Variants in TMTC3 observed in about 807,000 individuals in gnomAD.
TMTC3 encodes protein O-mannosyl-transferase TMTC3.
Under a neutral mutation model 92.2 loss-of-function variants are expected in TMTC3, and 52 were observed. That is an observed-to-expected ratio of 0.56 (90% CI 0.45 to 0.71). The LOEUF (loss-of-function observed/expected upper bound fraction) is 0.71, where lower values mean the gene tolerates loss of function less well. Ranked by LOEUF, TMTC3 falls within the 30% of genes least tolerant of loss-of-function variation. TMTC3 has a pLI of 0.00. For missense variants in TMTC3, 896 were observed against 1,057.1 expected (o/e 0.85, Z 2.11); for synonymous variants, 339 against 363.3 (o/e 0.93, Z 0.76).
rs1051263184 is a variant in TMTC3 at position 88,196,314 on chromosome 12, A to G, written c.*665A>G. ...GACACATGTATAGCTACATACACACATTTTTAATGGTGCTCATATATACTG... is the reference window on the plus strand; with the variant it reads ...GACACATGTATAGCTACATACACACGTTTTTAATGGTGCTCATATATACTG... On this transcript the variant is annotated 3_prime_UTR_variant, in exon 14 of 14. Coordinates refer to ENST00000266712, the MANE Select transcript of TMTC3 (RefSeq NM_181783.4). 8 of 152,346 alleles carry G rather than the reference A, an allele frequency of 5.3e-5. No individual in the cohort carries two copies. Among genetic ancestry groups the G allele is most frequent in the African/African-American group, 1.9e-4 (8 of 41,408 alleles). 9.4% of individuals were successfully genotyped at this position (152,346 alleles called of 1,614,324 possible). A position where few individuals can be genotyped will look rare whatever the true frequency, so the allele number is the denominator to read the frequency against.
intron 6 of TMTC3, among the ~76,000 whole-genome samples, 182 bp from the exon 7 acceptor site, chr12:88,166,148 T>TGTTTCATAAAGTTTTGATA (rs2041140534): frequency 1.3e-5 from 2 of 152,152 alleles, no homozygotes; most frequent in Non-Finnish European, 2.9e-5. Context: ...CTGAAGTAGA[T>TGTTTCATAAAGTTTTGATA]GTTTCATAAA....
chr12:88,176,123 TTA>T, intron 9 of TMTC3, 83 bp from the exon 10 acceptor site: 1 of 882,740 alleles, frequency 1.1e-6, no homozygotes, highest in Non-Finnish European at 1.7e-6. Flanking sequence ...CATTATTTTC[TTA>T]ATAGTATACC....
At chr12:88,168,410 G>A (rs1394168552) in intron 7 of TMTC3, among the ~76,000 whole-genome samples, 1 of 152,128 alleles carries the variant, frequency 6.6e-6, no homozygotes, top group East Asian at 1.9e-4. Context: ...AGACTATGCT[G>A]GTCAGGCAAT....
chr12:88,198,264 G>C lies in TMTC3; in HGVS notation c.*2615G>C. ...AGATGGAGGAGGTGGGCACATTTAA[G>C]GTCAGTTCACTAACCTATGGTTCAG... On this transcript the variant is annotated 3_prime_UTR_variant, in exon 14 of 14. Transcript: ENST00000266712. 2.5e-6 allele frequency: 1 copy of C among 397,468 alleles called. No individual in the cohort carries two copies. The highest frequency in any genetic ancestry group is 4.4e-6 in the Non-Finnish European group (1 of 225,380). The allele number at this position is 397,468 out of a possible 1,614,324, so 24.6% of individuals were successfully genotyped here. A position where few individuals can be genotyped will look rare whatever the true frequency, so the allele number is the denominator to read the frequency against.
intron 2 of TMTC3, among the ~76,000 whole-genome samples, chr12:88,151,217 G>A (rs1040030937): frequency 7.2e-5 from 11 of 152,238 alleles, no homozygotes; most frequent in Middle Eastern, 3.4e-3. Context: ...TGGTATAGCC[G>A]TGGCTGAGAG....
rs1276495242 is a variant in TMTC3, at chr12:88,195,668, C to G, written c.*19C>G. 17 of 1,551,198 alleles carry G rather than the reference C, an allele frequency of 1.1e-5. No individual in the cohort carries two copies. The South Asian group carries it at 2.1e-4, about 19-fold the overall frequency. On this transcript the variant is annotated 3_prime_UTR_variant, in exon 14 of 14. Transcript: ENST00000266712. The stretch of plus-strand genomic sequence containing the variant: ...TGAATAACATTAATATTTATCGTGA[C>G]AATGGTATCAAAGAACATCAATCCG...
chr12:88,157,156 G>A (rs2138375412), intron 4 of TMTC3, among the ~76,000 whole-genome samples: 1 of 152,000 alleles, frequency 6.6e-6, no homozygotes. Flanking sequence ...GTATATTGAA[G>A]AAATAAGTAA....
chr12:88,182,986 A>G lies in TMTC3; in HGVS notation c.1433-5857A>G, dbSNP rs371945168. On this transcript the variant is annotated intron_variant, in intron 10 of 13. Transcript: ENST00000266712. ...AGGGAGACCCTGTTGAAGGGGCCCT[A>G]TAGGTTACAAATTAGCACTGATAGC... 7.9e-5 allele frequency among the ~76,000 whole-genome samples: 12 copies of G among 152,302 alleles called. No individual in the cohort carries two copies. The South Asian group carries it at 1.5e-3, about 18-fold the overall frequency.
chr12:88,155,241 A>G (rs1398493634), intron 4 of TMTC3, among the ~76,000 whole-genome samples: 2 of 152,224 alleles, frequency 1.3e-5, no homozygotes, highest in African/African-American at 2.4e-5. Flanking sequence ...TACTAGTTCC[A>G]TTCACCGTAA....
intron 10 of TMTC3, among the ~76,000 whole-genome samples, chr12:88,184,120 G>A (rs1188780967): frequency 6.6e-6 from 1 of 152,080 alleles, no homozygotes; most frequent in Non-Finnish European, 1.5e-5. Flanking sequence ...AGCGTGGCTA[G>A]GGGACCGCAT....
At chr12:88,192,148 C>T (rs1362582522) in intron 12 of TMTC3, among the ~76,000 whole-genome samples, 1 of 148,862 alleles carries the variant, frequency 6.7e-6, no homozygotes, top group Admixed American at 6.8e-5. Flanking sequence ...TTCTATTATA[C>T]ATTCAAATAT....
intron 10 of TMTC3, among the ~76,000 whole-genome samples, chr12:88,178,276 A>C (rs1237466362): frequency 2.0e-5 from 3 of 152,302 alleles, no homozygotes; most frequent in South Asian, 2.1e-4. Flanking sequence ...TTTCAGTTTT[A>C]TCTCTCTTAG....
At chr12:88,166,697 G>A in intron 7 of TMTC3, 115 bp downstream of exon 7, 3 of 1,159,424 alleles carry the variant, frequency 2.6e-6, no homozygotes, top group Non-Finnish European at 3.6e-6. Flanking sequence ...TTGTTCAACG[G>A]CATCCCAATT....
At chr12:88,183,852 A>G (rs1482630045) in intron 10 of TMTC3, among the ~76,000 whole-genome samples, 1 of 152,154 alleles carries the variant, frequency 6.6e-6, no homozygotes, top group Non-Finnish European at 1.5e-5. Context: ...CTGTTTCAGT[A>G]CTTTTATATA....
At position 88,196,939 on chromosome 12, in the gene TMTC3, A is replaced by G. The variant is rs2041520199; in HGVS notation, c.*1290A>G. 6.6e-6 allele frequency: 1 copy of G among 151,924 alleles called. No homozygotes were observed. Among genetic ancestry groups the G allele is most frequent in the African/African-American group, 2.4e-5 (1 of 41,436 alleles). The allele number at this position is 151,924 out of a possible 1,614,324, so 9.4% of individuals were successfully genotyped here. A position where few individuals can be genotyped will look rare whatever the true frequency, so the allele number is the denominator to read the frequency against. The stretch of plus-strand genomic sequence containing the variant: ...AAAATAGGTTAAAAAGTAGTTACAA[A>G]TTAAACTTACTAATTTATACCTGAT... On this transcript the variant is annotated 3_prime_UTR_variant, in exon 14 of 14. Coordinates refer to ENST00000266712, the MANE Select transcript of TMTC3 (RefSeq NM_181783.4).
chr12:88,151,907 T>C (rs2040947862), intron 2 of TMTC3, among the ~76,000 whole-genome samples: 1 of 152,206 alleles, frequency 6.6e-6, no homozygotes, highest in African/African-American at 2.4e-5. Context: ...TCTAAGTAGA[T>C]AGTACATTAT....
chr12:88,173,181 A>T (rs1332893201), intron 8 of TMTC3: 15 of 1,001,394 alleles, frequency 1.5e-5, no homozygotes, highest in Middle Eastern at 4.5e-4. Flanking sequence ...TAATCTTTGT[A>T]TCCTAGTTGC....
intron 8 of TMTC3, among the ~76,000 whole-genome samples, chr12:88,174,330 G>T (rs761408473): frequency 3.2e-4 from 48 of 151,940 alleles, no homozygotes; most frequent in Non-Finnish European, 4.4e-4. Context: ...TTAAAAATTG[G>T]TTTTTTCCAT....
chr12:88,160,154 T>G lies in TMTC3; in HGVS notation c.549T>G (p.Val183=), dbSNP rs564489689. The change falls in exon 5 of 14, where the codon GTT becomes GTG. Residue 183 remains valine (V), a synonymous_variant. Coordinates refer to ENST00000266712, the MANE Select transcript of TMTC3 (RefSeq NM_181783.4). Reference sequence around the variant, plus strand: ...CCTTGACAGTGTTTTTAGTGGCTGTTGCAACATTATGTAAAGAACAAGGAA... The same window carrying G: ...CCTTGACAGTGTTTTTAGTGGCTGTGGCAACATTATGTAAAGAACAAGGAA... The part of the protein sequence containing the change: ...PIALTVFLVA[V]ATLCKEQGIT... The G allele has an allele frequency of 2.5e-6, 4 of 1,592,600 alleles. No individual in the cohort carries two copies. The highest frequency in any genetic ancestry group is 3.4e-6 in the Non-Finnish European group (4 of 1,172,522).
Sources: gnomAD v4.1 joint callset for allele counts (sites outside exome capture counted in the v4.1 genomes callset) on GRCh38, gnomAD v4.1.1 for gene constraint, MANE v1.5 for transcripts, NCBI Gene and HGNC (gene_info 2026-07-23, HGNC 2026-07-21) for gene names.